GNS: variants seen among roughly 807,000 people sequenced by gnomAD.
The protein encoded by GNS is N-acetylglucosamine-6-sulfatase.
Under a neutral mutation model 69.7 loss-of-function variants are expected in GNS, and 40 were observed. The observed-to-expected ratio is 0.57, with a 90% CI of 0.45 to 0.75. The LOEUF is 0.75. Ranked by LOEUF, GNS falls within the 30% of genes least tolerant of loss-of-function variation. The probability of loss-of-function intolerance (pLI) is 0.00; values close to 1 mark genes in which losing one functional copy is unlikely to be tolerated. For synonymous variants in GNS, 243 were observed against 251.6 expected, an observed-to-expected ratio of 0.97 and a Z score of 0.32; for missense variants, 565 against 685.5, an observed-to-expected ratio of 0.82 and a Z score of 1.96.
At chr12:64,748,658 C>G (rs1168901766) in intron 2 of GNS, among the ~76,000 whole-genome samples, 1 of 152,176 alleles carries the variant, frequency 6.6e-6, no homozygotes, top group Admixed American at 6.5e-5. Context: ...ATTTTATACA[C>G]TGGACACAGA....
At chr12:64,742,214 G>GT (rs1592503499) in intron 6 of GNS, among the ~76,000 whole-genome samples, 1 of 152,098 alleles carries the variant, frequency 6.6e-6, no homozygotes, top group East Asian at 1.9e-4. Context: ...TAGAGATGGG[G>GT]TTTCACTGTG....
chr12:64,741,948 C>A (rs918495018), intron 6 of GNS, among the ~76,000 whole-genome samples: 4 of 152,184 alleles, frequency 2.6e-5, no homozygotes, highest in Non-Finnish European at 5.9e-5. Context: ...TTTTGGAACA[C>A]AGATTGAGAA....
intron 10 of GNS, 65 bp from the exon 11 acceptor site, chr12:64,723,178 T>C (rs1869086704): frequency 1.9e-5 from 19 of 1,011,916 alleles, no homozygotes; most frequent in South Asian, 8.9e-5. Flanking sequence ...CACAAAGTAA[T>C]TGACTGCTAA....
At chr12:64,725,793 G>A (rs1344470884) in intron 10 of GNS, among the ~76,000 whole-genome samples, 3 of 151,790 alleles carry the variant, frequency 2.0e-5, no homozygotes, top group Non-Finnish European at 4.4e-5. Context: ...TCGGGAGATC[G>A]AGACCATCCT....
intron 1 of GNS, among the ~76,000 whole-genome samples, chr12:64,753,671 G>A (rs1870151699): frequency 6.6e-6 from 1 of 152,168 alleles, no homozygotes; most frequent in South Asian, 2.1e-4. Flanking sequence ...AGGTTAACAG[G>A]AGCCTCATTT....
Position 64,721,638 on chromosome 12 carries a change from G to T in GNS, c.1376C>A (p.Ser459Ter). 1 of 1,598,290 alleles carries T rather than the reference G, an allele frequency of 6.3e-7. No homozygotes were observed. Among genetic ancestry groups the T allele is most frequent in the Non-Finnish European group, 8.6e-7 (1 of 1,165,538 alleles). The change falls in exon 12 of 14, where the codon TCA (serine) becomes TAA (stop). Residue 459 changes from serine to a stop codon, truncating the protein, a stop_gained. Coordinates refer to ENST00000258145, the MANE Select transcript of GNS (RefSeq NM_002076.4). LOFTEE classifies it high-confidence loss of function. ...GCAATACTGCAAATTCCACAATGCT[G>T]ACATTGTCCTCACACAGGCATAGGT... ...NNTYACVRTM[S>*]ALWNLQYCEF...
At chr12:64,727,860 TATG>T (rs1285580533) in intron 10 of GNS, among the ~76,000 whole-genome samples, 3 of 152,190 alleles carry the variant, frequency 2.0e-5, no homozygotes, top group Non-Finnish European at 1.5e-5. Context: ...GCTCTTAGAT[TATG>T]ATGATGGTTG....
intron 7 of GNS, 151 bp from the exon 8 acceptor site, chr12:64,739,650 AT>A: frequency 1.6e-6 from 1 of 635,758 alleles, no homozygotes. Context: ...AAAAAAAAAA[AT>A]TGCAAAACAC....
rs376505567 is a variant in GNS, at chr12:64,739,433, C to T, written c.942G>A (p.Gly314=). The T allele has an allele frequency of 2.4e-5, 38 of 1,608,946 alleles. No individual in the cohort carries two copies. Among genetic ancestry groups the T allele is most frequent in the Non-Finnish European group, 3.1e-5 (36 of 1,175,564 alleles). ...AGAAGATGTAAGTGTTGTTGAGCTCCCCAGTGAACTCCAGCCTCTTGACCA... is the reference window on the plus strand; with the variant it reads ...AGAAGATGTAAGTGTTGTTGAGCTCTCCAGTGAACTCCAGCCTCTTGACCA... ...EKLVKRLEFT[G]ELNNTYIFYT... The change falls in exon 8 of 14, where the codon GGG becomes GGA. Residue 314 remains glycine (G), a synonymous_variant. Coordinates refer to ENST00000258145, the MANE Select transcript of GNS (RefSeq NM_002076.4).
chr12:64,743,337 T>G, intron 5 of GNS, 29 bp from the exon 6 acceptor site: 3 of 1,535,024 alleles, frequency 2.0e-6, no homozygotes, highest in Non-Finnish European at 1.8e-6. Context: ...TGTCATCTCC[T>G]ACCTTACCCA....
At chr12:64,748,572 G>T (rs906379185) in intron 2 of GNS, among the ~76,000 whole-genome samples, 4 of 152,116 alleles carry the variant, frequency 2.6e-5, no homozygotes, top group Admixed American at 2.0e-4. Context: ...CAAAGACAAA[G>T]AATACTACTT....
chr12:64,727,003 C>T (rs1024810476), intron 10 of GNS, among the ~76,000 whole-genome samples: 3 of 151,488 alleles, frequency 2.0e-5, no homozygotes, highest in African/African-American at 7.3e-5. Context: ...CTGACAAACA[C>T]ATGATGAAAT....
In GNS at chr12:64,752,689, C is replaced by A; in HGVS notation, c.252+9G>T. ...AAATTAACAAAATTGAATTAACTTT[C>A]AAACTTACAGCACTGGAAAAAGTCA... is the stretch of plus-strand genomic sequence containing the variant. On this transcript the variant is annotated intron_variant, in intron 2 of 13. Transcript: ENST00000258145. 1 of 1,402,708 alleles carries A rather than the reference C, an allele frequency of 7.1e-7. No homozygotes were observed. The highest frequency in any genetic ancestry group is 1.0e-6 in the Non-Finnish European group (1 of 989,626). 86.9% of individuals were successfully genotyped at this position (1,402,708 alleles called of 1,614,324 possible). A position where few individuals can be genotyped will look rare whatever the true frequency, so the allele number is the denominator to read the frequency against.
At chr12:64,721,407 A>C (rs1358570286) in intron 12 of GNS, among the ~76,000 whole-genome samples, 188 bp downstream of exon 12, 1 of 152,246 alleles carries the variant, frequency 6.6e-6, no homozygotes, top group Admixed American at 6.5e-5. Flanking sequence ...AACTCAATTC[A>C]GAAAGATTAC....
At chr12:64,732,840 A>G (rs1225808440) in intron 9 of GNS, among the ~76,000 whole-genome samples, 2 of 151,444 alleles carry the variant, frequency 1.3e-5, no homozygotes, top group African/African-American at 4.9e-5. Context: ...CAGGTGATCC[A>G]CACCTGCCTT....
At chr12:64,746,115 T>A in intron 3 of GNS, 1 of 275,318 alleles carries the variant, frequency 3.6e-6, no homozygotes, top group South Asian at 3.9e-5. Context: ...TGTCTGTGGC[T>A]GCTTTCACGC....
At chr12:64,757,125 G>T (rs1302522726) in intron 1 of GNS, among the ~76,000 whole-genome samples, 8 of 152,170 alleles carry the variant, frequency 5.3e-5, no homozygotes, top group Non-Finnish European at 8.8e-5. Context: ...GCTGCAATGA[G>T]CCTTGATTGT....
At chr12:64,745,584 T>C in intron 4 of GNS, 75 bp downstream of exon 4, 1 of 888,066 alleles carries the variant, frequency 1.1e-6, no homozygotes. Flanking sequence ...GTTATGTCAA[T>C]ATCAGAGCTA....
intron 5 of GNS, 60 bp from the exon 6 acceptor site, chr12:64,743,368 T>A: frequency 8.2e-7 from 1 of 1,220,422 alleles, no homozygotes; most frequent in Non-Finnish European, 1.2e-6. Flanking sequence ...ATTTAATAGA[T>A]AAATGTCTTC....
Sources: gnomAD v4.1 joint callset for allele counts (sites outside exome capture counted in the v4.1 genomes callset) on GRCh38, gnomAD v4.1.1 for gene constraint, MANE v1.5 for transcripts, NCBI Gene and HGNC (gene_info 2026-07-23, HGNC 2026-07-21) for gene names.